Variants in DOCK2 observed in about 807,000 individuals in gnomAD.
DOCK2 encodes dedicator of cytokinesis 2.
DOCK2 carries 87 observed loss-of-function variants against 248.9 expected under a neutral mutation model. That is an observed-to-expected ratio of 0.35 (90% confidence interval 0.29 to 0.42). The LOEUF is 0.42. DOCK2 is among the 10% of genes least tolerant of loss of function. The pLI, the probability that DOCK2 is intolerant of heterozygous loss-of-function variation, is 1.00. For missense variants in DOCK2, 1,747 were observed against 2,300.2 expected (o/e 0.76, Z 4.92); for synonymous variants, 805 against 821.6 (o/e 0.98, Z 0.35).
Position 169,983,117 on chromosome 5 carries a change from A to G in DOCK2, c.2849A>G (p.Gln950Arg). 6.2e-7 allele frequency: 1 copy of G among 1,614,098 alleles called. No homozygotes were observed. Among genetic ancestry groups the G allele is most frequent in the Non-Finnish European group, 8.5e-7 (1 of 1,179,936 alleles). The part of the protein sequence containing the change: ...MTAILNQMGD[Q>R]HYSFYIETFQ... ...GCCATCTTAAACCAGATGGGTGACC[A>G]GCACTACTCCTTCTACATTGAGACC... Residue 950 changes from glutamine to arginine, a missense_variant, in exon 28 of 52, where the codon CAG becomes CGG. Gln to Arg is a conservative substitution (Grantham distance 43). Around this residue, in one of 4 missense-constraint regions of DOCK2, gnomAD observed 858 missense variants for 1,183.5 expected, o/e 0.72. Coordinates refer to ENST00000520908, the MANE Select transcript of DOCK2 (RefSeq NM_004946.3).
At chr5:169,753,268 A>T (rs1261313890) in intron 23 of DOCK2, among the ~76,000 whole-genome samples, 1 of 152,116 alleles carries the variant, frequency 6.6e-6, no homozygotes, top group African/African-American at 2.4e-5. Context: ...TACATGTGCC[A>T]TGGTGGTTTG....
intron 27 of DOCK2, among the ~76,000 whole-genome samples, chr5:169,859,418 T>C (rs1306708789): frequency 6.6e-6 from 1 of 152,268 alleles, no homozygotes; most frequent in Non-Finnish European, 1.5e-5. Flanking sequence ...TGCTGAATGC[T>C]GACAGTGTTG....
intron 27 of DOCK2, among the ~76,000 whole-genome samples, chr5:169,927,755 T>C (rs1374887518): frequency 6.6e-6 from 1 of 152,220 alleles, no homozygotes; most frequent in Non-Finnish European, 1.5e-5. Flanking sequence ...TAGCTGGGAC[T>C]ACAGGCGCCC....
intron 27 of DOCK2, chr5:169,980,166 A>G (rs1777889412): frequency 6.6e-6 from 1 of 152,148 alleles, no homozygotes; most frequent in Admixed American, 6.5e-5. Flanking sequence ...TCCCAGTCTC[A>G]CTGTTGATTT....
intron 36 of DOCK2, among the ~76,000 whole-genome samples, chr5:170,038,970 T>C (rs1756415747): frequency 2.0e-5 from 3 of 152,210 alleles, no homozygotes; most frequent in Admixed American, 2.0e-4. Context: ...CCAAACTCTC[T>C]ACATGGAGGT....
chr5:169,761,534 G>A lies in DOCK2; in HGVS notation c.2463G>A (p.Glu821=). The A allele has an allele frequency of 1.2e-6, 2 of 1,614,048 alleles. No homozygotes were observed. Among genetic ancestry groups the A allele is most frequent in the Non-Finnish European group, 1.7e-6 (2 of 1,179,944 alleles). The change falls in exon 25 of 52, where the codon GAG becomes GAA. Residue 821 remains glutamate (E), a synonymous_variant. Coordinates refer to ENST00000520908, the MANE Select transcript of DOCK2 (RefSeq NM_004946.3). ...DAKLLSQLLY[E]FYTCIPPVKL... ...CTGCCCTCAGCCAACTCCTGTATGA[G>A]TTCTACACCTGCATCCCTCCTGTGA...
chr5:170,019,764 G>A (rs1002698212), intron 33 of DOCK2, among the ~76,000 whole-genome samples: 1 of 152,146 alleles, frequency 6.6e-6, no homozygotes, highest in South Asian at 2.1e-4. Flanking sequence ...AGCACCAGTT[G>A]CCACAATTGG....
chr5:169,957,659 G>A lies in DOCK2; in HGVS notation c.2800-25409G>A, dbSNP rs572252008. ...GACACTAGAGGCAATGCGCGAGGAA[G>A]CCTCAGGAATATTTGGAAACCCTTC... is the stretch of plus-strand genomic sequence containing the variant. On this transcript the variant is annotated intron_variant, in intron 27 of 51. Transcript: ENST00000520908. Among the ~76,000 whole-genome samples, 7 of 152,288 alleles carry A rather than the reference G, an allele frequency of 4.6e-5. No homozygotes were observed. In the South Asian group the frequency reaches 1.2e-3, roughly 27 times the overall value.
intron 25 of DOCK2, among the ~76,000 whole-genome samples, chr5:169,778,977 G>A (rs1388514558): frequency 2.0e-5 from 3 of 152,164 alleles, no homozygotes; most frequent in South Asian, 2.1e-4. Flanking sequence ...TTAGCATCAC[G>A]TGAAAAATTG....
At chr5:170,082,035 AAG>A in intron 51 of DOCK2, 51 bp downstream of exon 51, 2 of 1,600,930 alleles carry the variant, frequency 1.2e-6, no homozygotes, top group African/African-American at 2.7e-5. Context: ...GGAGAAAGGG[AAG>A]AGAGCAATGC....
chr5:170,069,039 T>C, intron 45 of DOCK2, 98 bp from the exon 46 acceptor site: 1 of 1,054,708 alleles, frequency 9.5e-7, no homozygotes, highest in Non-Finnish European at 1.4e-6. Context: ...GACCTCATCC[T>C]TGCCCCTTTC....
At chr5:169,806,132 G>A (rs1411044561) in intron 26 of DOCK2, among the ~76,000 whole-genome samples, 4 of 151,348 alleles carry the variant, frequency 2.6e-5, no homozygotes, top group Non-Finnish European at 5.9e-5. Flanking sequence ...AAAATGAGAG[G>A]CCCAAAAGTA....
intron 32 of DOCK2, among the ~76,000 whole-genome samples, chr5:170,012,368 G>A (rs1581526215): frequency 6.6e-6 from 1 of 152,282 alleles, no homozygotes; most frequent in East Asian, 1.9e-4. Context: ...CTGATAATGA[G>A]TAAATCATAA....
intron 25 of DOCK2, among the ~76,000 whole-genome samples, chr5:169,783,526 T>C (rs1397225255): frequency 6.6e-6 from 1 of 152,174 alleles, no homozygotes; most frequent in African/African-American, 2.4e-5. Context: ...AAATGCTAGA[T>C]AAATGATAGT....
intron 1 of DOCK2, among the ~76,000 whole-genome samples, chr5:169,647,503 C>T (rs1309725681): frequency 2.0e-5 from 3 of 152,100 alleles, no homozygotes; most frequent in East Asian, 1.9e-4. Flanking sequence ...TGTCAGGAGG[C>T]GAGGTCCTGT....
intron 9 of DOCK2, among the ~76,000 whole-genome samples, chr5:169,691,607 A>G (rs1036147791): frequency 6.6e-6 from 1 of 152,188 alleles, no homozygotes; most frequent in Admixed American, 6.5e-5. Context: ...ATGGTATGTG[A>G]CTGGAAGTTA....
At chr5:169,999,046 C>T (rs535140101) in intron 30 of DOCK2, among the ~76,000 whole-genome samples, 14 of 152,280 alleles carry the variant, frequency 9.2e-5, no homozygotes, top group Non-Finnish European at 1.3e-4. Context: ...CCGTGGGTAT[C>T]GGCTATTGCA....
chr5:169,972,586 T>TGACA (rs1554122915), intron 27 of DOCK2, among the ~76,000 whole-genome samples: 1 of 68,956 alleles, frequency 1.5e-5, no homozygotes, highest in Non-Finnish European at 2.9e-5. Context: ...GATAGATAGA[T>TGACA]GATAGATAGA....
At chr5:169,985,025 T>C (rs2113787358) in intron 28 of DOCK2, among the ~76,000 whole-genome samples, 1 of 152,216 alleles carries the variant, frequency 6.6e-6, no homozygotes, top group Non-Finnish European at 1.5e-5. Context: ...TTCAAGTTAT[T>C]CTGCCACAGC....
Sources: allele counts gnomAD v4.1 joint callset (sites outside exome capture counted in the v4.1 genomes callset), GRCh38; gene constraint gnomAD v4.1.1; regional missense constraint gnomAD v4.1.1; transcripts MANE v1.5; gene names NCBI Gene and HGNC (gene_info 2026-07-23, HGNC 2026-07-21).